SLC1A4: variants seen among roughly 807,000 people sequenced by gnomAD.
SLC1A4 encodes the protein solute carrier family 1 member 4, also known as neutral amino acid transporter A.
A neutral mutation model predicts 37.7 loss-of-function variants in SLC1A4; 19 were observed. The ratio of observed to expected loss-of-function variants is 0.50; its 90% CI spans 0.35 to 0.74. SLC1A4 has a LOEUF of 0.74. Ranked by LOEUF, SLC1A4 falls within the 30% of genes least tolerant of loss-of-function variation. The pLI, the probability that SLC1A4 is intolerant of heterozygous loss-of-function variation, is 0.01. For synonymous variants in SLC1A4, 299 were observed against 309.8 expected (o/e 0.97, Z 0.37); for missense variants, 570 against 712.9 (o/e 0.80, Z 2.28).
At chr2:65,016,721 G>A in intron 5 of SLC1A4, 48 bp downstream of exon 5, 2 of 1,285,084 alleles carry the variant, frequency 1.6e-6, no homozygotes, top group Non-Finnish European at 2.3e-6. Flanking sequence ...TGTTAACATG[G>A]AACCAGGTGA....
At chr2:65,009,627 C>T (rs748837312) in intron 3 of SLC1A4, among the ~76,000 whole-genome samples, 3 of 152,196 alleles carry the variant, frequency 2.0e-5, no homozygotes, top group Non-Finnish European at 4.4e-5. Context: ...CCAGCCTTTG[C>T]GCTCAAGCTG....
Position 65,018,485 on chromosome 2 carries a change from T to A in SLC1A4, c.1230-60T>A. On this transcript the variant is annotated intron_variant, in intron 6 of 7. Coordinates refer to ENST00000234256, the MANE Select transcript of SLC1A4 (RefSeq NM_003038.5). The surrounding 1 kb of genome is among the most constrained non-coding windows in gnomAD (Gnocchi z 4.3). ...CCACATTGCAGCTGCATGGTCTGCA[T>A]TTCTCTGTGTCCACTCCACGCTCTA... The A allele has an allele frequency of 1.9e-6, 3 of 1,597,056 alleles. No individual in the cohort carries two copies. Among genetic ancestry groups the A allele is most frequent in the Non-Finnish European group, 2.6e-6 (3 of 1,170,722 alleles).
rs1361952171 is a variant in SLC1A4, at chr2:65,003,945, G to A, written c.571-8G>A. 1 of 1,611,656 alleles carries A rather than the reference G, an allele frequency of 6.2e-7. No homozygotes were observed. Among genetic ancestry groups the A allele is most frequent in the South Asian group, 1.1e-5 (1 of 90,844 alleles). The stretch of plus-strand genomic sequence containing the variant: ...TAACAGTGGGTTTTTTTTTCCTCTT[G>A]ATCACAGTATGCAACCGATTATAAA... On this transcript the variant is annotated splice_region_variant and splice_polypyrimidine_tract_variant and intron_variant, in intron 2 of 7. Coordinates refer to ENST00000234256, the MANE Select transcript of SLC1A4 (RefSeq NM_003038.5).
At position 65,023,373 on chromosome 2, in the gene SLC1A4, C is replaced by T. The variant is rs1674506252; in HGVS notation, c.*2227C>T. ...GTGCGTGTGTGTATAGTTTTAGCTC[C>T]AAGCCAAGCAAGTTTGTGTTTGGAT... On this transcript the variant is annotated 3_prime_UTR_variant, in exon 8 of 8. Transcript: ENST00000234256. 1 of 152,050 alleles carries T rather than the reference C, an allele frequency of 6.6e-6. No individual in the cohort carries two copies. Among genetic ancestry groups the T allele is most frequent in the South Asian group, 2.1e-4 (1 of 4,830 alleles). 9.4% of individuals were successfully genotyped at this position (152,050 alleles called of 1,614,324 possible).
chr2:65,004,458 T>TTTATTTA (rs1558519598), intron 3 of SLC1A4, among the ~76,000 whole-genome samples: 1 of 148,726 alleles, frequency 6.7e-6, no homozygotes, highest in Non-Finnish European at 1.5e-5. Context: ...TTATTTATTT[T>TTTATTTA]TTATGTTTTG....
intron 1 of SLC1A4, among the ~76,000 whole-genome samples, chr2:64,995,069 G>A (rs1388722818): frequency 6.6e-6 from 1 of 152,088 alleles, no homozygotes; most frequent in Non-Finnish European, 1.5e-5. Context: ...AATAATAGCA[G>A]CTTGTAATTT....
chr2:65,004,690 G>A (rs1673610240), intron 3 of SLC1A4, among the ~76,000 whole-genome samples: 1 of 151,786 alleles, frequency 6.6e-6, no homozygotes, highest in South Asian at 2.1e-4. Flanking sequence ...CAATATAAGG[G>A]AGAAATAAAA....
chr2:64,998,012 T>G (rs1673325795), intron 1 of SLC1A4, among the ~76,000 whole-genome samples: 1 of 151,994 alleles, frequency 6.6e-6, no homozygotes, highest in Admixed American at 6.6e-5. Flanking sequence ...GGGGGGCAGA[T>G]CACGAGGTCA....
In SLC1A4 at chr2:65,021,057, G is replaced by A. The variant is rs1211182931; in HGVS notation, c.1510G>A (p.Glu504Lys). 1.2e-6 allele frequency: 2 copies of A among 1,614,232 alleles called. No individual in the cohort carries two copies. Among genetic ancestry groups the A allele is most frequent in the East Asian group, 2.2e-5 (1 of 44,884 alleles). The change falls in exon 8 of 8, where the codon GAG (glutamate) becomes AAG (lysine). Residue 504 changes from glutamate (E) to lysine (K), a missense_variant. Glu to Lys is a moderately conservative substitution (Grantham distance 56). Transcript: ENST00000234256. ...VEAIPNCKSEEETSPLVTHQN... is the reference protein window; with the variant it reads ...VEAIPNCKSEKETSPLVTHQN... ...AGCCATCCCCAACTGCAAGTCTGAG[G>A]AGGAGACATCGCCCCTGGTGACACA...
intron 7 of SLC1A4, among the ~76,000 whole-genome samples, chr2:65,020,472 G>T (rs1674374506): frequency 6.6e-6 from 1 of 152,092 alleles, no homozygotes; most frequent in Non-Finnish European, 1.5e-5. Flanking sequence ...TCACTATGTT[G>T]CCCAGGCTGG....
chr2:65,018,403 T>G lies in SLC1A4; in HGVS notation c.1229+138T>G. 1 of 1,386,320 alleles carries G rather than the reference T, an allele frequency of 7.2e-7. No homozygotes were observed. The highest frequency in any genetic ancestry group is 9.8e-7 in the Non-Finnish European group (1 of 1,017,358). 85.9% of individuals were successfully genotyped at this position (1,386,320 alleles called of 1,614,324 possible). ...GGATTCATTACTTGAAGAGCGTGTG[T>G]TGACTCTCAAGGGCGTAGCCAGCAG... On this transcript the variant is annotated intron_variant, in intron 6 of 7. Coordinates refer to ENST00000234256, the MANE Select transcript of SLC1A4 (RefSeq NM_003038.5). This position sits in a 1 kb window ranked among gnomAD's most constrained non-coding sequence, Gnocchi z 4.3.
At chr2:64,992,884 C>A (rs1016321523) in intron 1 of SLC1A4, among the ~76,000 whole-genome samples, 5 of 152,206 alleles carry the variant, frequency 3.3e-5, no homozygotes, top group South Asian at 2.1e-4. Flanking sequence ...GTGTGCACCG[C>A]TGAGGTTTGG....
Position 65,003,970 on chromosome 2 carries a change from A to G in SLC1A4, c.588A>G (p.Lys196=). 6.2e-7 allele frequency: 1 copy of G among 1,614,108 alleles called. No homozygotes were observed. Among genetic ancestry groups the G allele is most frequent in the Non-Finnish European group, 8.5e-7 (1 of 1,179,932 alleles). The change falls in exon 3 of 8, where the codon AAA becomes AAG. Residue 196 remains lysine, a synonymous_variant. Coordinates refer to ENST00000234256, the MANE Select transcript of SLC1A4 (RefSeq NM_003038.5). ...GATCACAGTATGCAACCGATTATAA[A>G]GTCGTGACCCAGAACAGCAGCTCTG... ...AAFRTYATDY[K]VVTQNSSSGN...
At chr2:65,017,922 A>T in intron 5 of SLC1A4, 149 bp from the exon 6 acceptor site, 1 of 636,282 alleles carries the variant, frequency 1.6e-6, no homozygotes, top group Non-Finnish European at 2.7e-6. Flanking sequence ...AGAAGTTTTA[A>T]AGTGATTCTG....
intron 2 of SLC1A4, among the ~76,000 whole-genome samples, chr2:65,001,771 G>T (rs1341381548): frequency 2.0e-5 from 3 of 152,116 alleles, no homozygotes; most frequent in Non-Finnish European, 2.9e-5. Context: ...TTTTGGGGAT[G>T]TCTTAAATAT....
Position 65,018,309 on chromosome 2 carries a change from CT to C in SLC1A4, c.1229+46del. ...CCCTGGCTCAAAACTGAAGGCTTTT[CT>C]TGTGATTTCCTTTGAAAAACCAATC... is the stretch of plus-strand genomic sequence containing the variant. On this transcript the variant is annotated intron_variant, in intron 6 of 7. Transcript: ENST00000234256. The surrounding 1 kb of genome is among the most constrained non-coding windows in gnomAD (Gnocchi z 4.3). 1.3e-6 allele frequency: 2 copies of C among 1,582,190 alleles called. No individual in the cohort carries two copies. Among genetic ancestry groups the C allele is most frequent in the Non-Finnish European group, 1.7e-6 (2 of 1,157,680 alleles).
intron 3 of SLC1A4, among the ~76,000 whole-genome samples, chr2:65,004,302 G>A (rs1673592644): frequency 6.6e-6 from 1 of 152,134 alleles, no homozygotes; most frequent in African/African-American, 2.4e-5. Flanking sequence ...GCCCAGGCTG[G>A]AGTGCAGTGG....
intron 1 of SLC1A4, among the ~76,000 whole-genome samples, chr2:64,993,926 G>A (rs1673156400): frequency 1.3e-5 from 2 of 152,172 alleles, no homozygotes; most frequent in African/African-American, 4.8e-5. Context: ...AGAGTGATTG[G>A]GTTTTCCAGT....
chr2:64,992,999 T>C (rs1473238124), intron 1 of SLC1A4, among the ~76,000 whole-genome samples: 2 of 152,220 alleles, frequency 1.3e-5, no homozygotes, highest in East Asian at 3.9e-4. Flanking sequence ...AATTGCTTCC[T>C]TCAAGGAAAC....
Sources: allele counts gnomAD v4.1 joint callset (sites outside exome capture counted in the v4.1 genomes callset), GRCh38; gene constraint gnomAD v4.1.1; non-coding constraint Gnocchi (gnomAD v3.1); transcripts MANE v1.5; gene names NCBI Gene and HGNC (gene_info 2026-07-23, HGNC 2026-07-21).